ZC3H12C: variants seen among roughly 807,000 people sequenced by gnomAD.
ZC3H12C encodes probable ribonuclease ZC3H12C.
In ZC3H12C, 20 loss-of-function variants were observed where a neutral mutation model predicts 76.3. That is an observed-to-expected ratio of 0.26 (90% confidence interval 0.18 to 0.38). The LOEUF is 0.38. Among genes scored for constraint, ZC3H12C ranks in the 10% least tolerant of loss-of-function variants. The pLI is 1.00. For missense variants in ZC3H12C, 874 were observed against 1,086.5 expected, an observed-to-expected ratio of 0.80 and a Z score of 2.75; for synonymous variants, 352 against 399.6, an observed-to-expected ratio of 0.88 and a Z score of 1.42.
rs141731591 is a variant in ZC3H12C at position 110,137,476 on chromosome 11, A to G, written c.773+62A>G. The G allele has an allele frequency of 2.0e-4, 303 of 1,486,556 alleles. 2 individuals carry two copies. The East Asian group carries it at 6.6e-3, about 32-fold the overall frequency. The allele number at this position is 1,486,556 out of a possible 1,614,324, so 92.1% of individuals were successfully genotyped here. Reference sequence around the variant, plus strand: ...ATAATCTTTAAAAGCCTTATTTCTAATTTTGTGGCTCTTTTCCTTCTCATG... The same window carrying G: ...ATAATCTTTAAAAGCCTTATTTCTAGTTTTGTGGCTCTTTTCCTTCTCATG... On this transcript the variant is annotated intron_variant, in intron 2 of 5. Coordinates refer to ENST00000278590, the MANE Select transcript of ZC3H12C (RefSeq NM_033390.2).
At chr11:110,108,122 T>C (rs981661894) in intron 1 of ZC3H12C, among the ~76,000 whole-genome samples, 1 of 152,152 alleles carries the variant, frequency 6.6e-6, no homozygotes, top group African/African-American at 2.4e-5. Flanking sequence ...TTTTTTTTGT[T>C]TTGTTTTGTT....
intron 1 of ZC3H12C, chr11:110,124,052 G>C (rs554643807): frequency 5.3e-5 from 8 of 152,292 alleles, no homozygotes; most frequent in Non-Finnish European, 1.2e-4. Context: ...GGTCCTTACA[G>C]ACTTACCCAT....
At chr11:110,128,892 A>G (rs965916672) in intron 1 of ZC3H12C, among the ~76,000 whole-genome samples, 3 of 75,470 alleles carry the variant, frequency 4.0e-5, no homozygotes, top group African/African-American at 2.0e-4. Flanking sequence ...CCACTAACAA[A>G]AAAAAAAAAA....
rs572545652 is a variant in ZC3H12C at position 110,165,026 on chromosome 11, C to A, written c.1941C>A (p.Ser647=). 21 of 1,613,934 alleles carry A rather than the reference C, an allele frequency of 1.3e-5. No homozygotes were observed. In the South Asian group the frequency reaches 2.3e-4, roughly 18 times the overall value. Residue 647 remains serine, a synonymous_variant, in exon 6 of 6, where the codon TCC becomes TCA. Transcript: ENST00000278590. ...CCTACGTGGGTTACAATGACCGGTCCTATGTCAGCTCCCCCGACCCACAGC... is the reference window on the plus strand; with the variant it reads ...CCTACGTGGGTTACAATGACCGGTCATATGTCAGCTCCCCCGACCCACAGC... ...SDSYVGYNDR[S]YVSSPDPQLE...
chr11:110,102,566 T>C (rs891770255), intron 1 of ZC3H12C, among the ~76,000 whole-genome samples: 11 of 152,044 alleles, frequency 7.2e-5, no homozygotes, highest in Admixed American at 3.9e-4. Flanking sequence ...CCGTGAACCA[T>C]TGTGGAAATG....
At chr11:110,147,189 C>T in intron 2 of ZC3H12C, among the ~76,000 whole-genome samples, 1 of 152,160 alleles carries the variant, frequency 6.6e-6, no homozygotes, top group African/African-American at 2.4e-5. Flanking sequence ...CCACAGAGCA[C>T]CTCGGCAAAT....
At chr11:110,135,170 C>T (rs114889468) in intron 1 of ZC3H12C, among the ~76,000 whole-genome samples, 2,561 of 152,026 alleles carry the variant, frequency 0.017, 65 homozygotes, top group African/African-American at 0.057. Flanking sequence ...GCTGTATCTG[C>T]GTAGAATACC....
intron 2 of ZC3H12C, among the ~76,000 whole-genome samples, chr11:110,140,934 T>C (rs1186470345): frequency 6.6e-6 from 1 of 152,168 alleles, no homozygotes; most frequent in African/African-American, 2.4e-5. Context: ...AGCACTAAGA[T>C]TGGAGACAAA....
At position 110,096,456 on chromosome 11, in the gene ZC3H12C, A is replaced by G. The variant is rs77208308; in HGVS notation, c.21+3024A>G. ...ATGCTAAGTCTACATGCATTATCTC[A>G]TTTAACCCTTGAACACCTTTATGCA... is the stretch of plus-strand genomic sequence containing the variant. On this transcript the variant is annotated intron_variant, in intron 1 of 5. Coordinates refer to ENST00000278590, the MANE Select transcript of ZC3H12C (RefSeq NM_033390.2). Among the ~76,000 whole-genome samples, 814 of 152,294 alleles carry G rather than the reference A, an allele frequency of 5.3e-3. 6 individuals carry two copies. Among genetic ancestry groups the G allele is most frequent in the African/African-American group, 0.018 (743 of 41,542 alleles).
In ZC3H12C at chr11:110,159,422, T is replaced by C; in HGVS notation, c.1080T>C (p.Ala360=). 6.2e-7 allele frequency: 1 copy of C among 1,613,892 alleles called. No homozygotes were observed. The highest frequency in any genetic ancestry group is 8.5e-7 in the Non-Finnish European group (1 of 1,179,870). Residue 360 remains alanine (A), a synonymous_variant, in exon 4 of 6, where the codon GCT becomes GCC. Transcript: ENST00000278590. ...CCAATGATAACTACAGGGACTTGGC[T>C]AATGAGAAGCCAGAATGGAAGAAGT... is the stretch of plus-strand genomic sequence containing the variant. ...IVSNDNYRDL[A]NEKPEWKKFI...
chr11:110,126,776 G>A (rs1416314173), intron 1 of ZC3H12C, among the ~76,000 whole-genome samples: 3 of 151,788 alleles, frequency 2.0e-5, no homozygotes, highest in African/African-American at 4.8e-5. Context: ...CTTCCTTATT[G>A]GTTAATAATA....
chr11:110,125,976 T>C (rs1392130671), intron 1 of ZC3H12C, among the ~76,000 whole-genome samples: 4 of 152,196 alleles, frequency 2.6e-5, no homozygotes, highest in African/African-American at 4.8e-5. Context: ...GGCTTGAATG[T>C]TGAGATCTCT....
intron 2 of ZC3H12C, among the ~76,000 whole-genome samples, chr11:110,149,944 A>G (rs1862241079): frequency 6.6e-6 from 1 of 152,032 alleles, no homozygotes; most frequent in Non-Finnish European, 1.5e-5. Context: ...TCTTATCCTG[A>G]TGTGAATTCT....
chr11:110,157,560 C>T (rs1862401179), intron 3 of ZC3H12C, among the ~76,000 whole-genome samples: 1 of 151,838 alleles, frequency 6.6e-6, no homozygotes, highest in Non-Finnish European at 1.5e-5. Flanking sequence ...CTCAGCTTCC[C>T]AGGTAGCTGG....
intron 1 of ZC3H12C, among the ~76,000 whole-genome samples, chr11:110,118,359 A>C (rs1037748853): frequency 6.6e-6 from 1 of 152,130 alleles, no homozygotes; most frequent in East Asian, 1.9e-4. Flanking sequence ...TGAGACATGT[A>C]AATCTTTTTC....
intron 3 of ZC3H12C, among the ~76,000 whole-genome samples, chr11:110,153,453 G>T (rs1862314203): frequency 6.6e-6 from 1 of 152,178 alleles, no homozygotes; most frequent in African/African-American, 2.4e-5. Context: ...CTCCCAAAGT[G>T]CTGGGATTAC....
At chr11:110,134,130 C>T (rs1400047334) in intron 1 of ZC3H12C, among the ~76,000 whole-genome samples, 3 of 152,144 alleles carry the variant, frequency 2.0e-5, no homozygotes, top group African/African-American at 7.2e-5. Context: ...AAAACCCAAA[C>T]TTTTCAGGGG....
intron 1 of ZC3H12C, among the ~76,000 whole-genome samples, chr11:110,117,809 CATAT>C (rs1404137840): frequency 8.0e-6 from 1 of 125,358 alleles, no homozygotes; most frequent in African/African-American, 3.2e-5. Context: ...TATATACACA[CATAT>C]ATATACACAC....
intron 1 of ZC3H12C, among the ~76,000 whole-genome samples, chr11:110,127,119 A>C (rs1452761711): frequency 6.6e-6 from 1 of 152,208 alleles, no homozygotes; most frequent in Non-Finnish European, 1.5e-5. Flanking sequence ...AATTAGGAGA[A>C]TGTCTAACGC....
Sources: gnomAD v4.1 joint callset for allele counts (sites outside exome capture counted in the v4.1 genomes callset) on GRCh38, gnomAD v4.1.1 for gene constraint, MANE v1.5 for transcripts, NCBI Gene and HGNC (gene_info 2026-07-23, HGNC 2026-07-21) for gene names.